The following FHDC1 variants were observed in gnomAD, a reference collection of about 807,000 sequenced individuals.
The protein encoded by FHDC1 is FH2 domain-containing protein 1.
FHDC1 carries 25 observed loss-of-function variants against 52.6 expected under a neutral mutation model. The observed-to-expected ratio is 0.48, with a 90% CI of 0.35 to 0.66. FHDC1 has a LOEUF of 0.66. FHDC1 is among the 30% of genes least tolerant of loss of function. The pLI is 0.01. For missense variants in FHDC1, 1,459 were observed against 1,452.8 expected, an observed-to-expected ratio of 1.00 and a Z score of -0.07; for synonymous variants, 616 against 581.5, an observed-to-expected ratio of 1.06 and a Z score of -0.85.
intron 10 of FHDC1, among the ~76,000 whole-genome samples, chr4:152,970,421 A>G (rs1290611655): frequency 6.6e-6 from 1 of 152,204 alleles, no homozygotes; most frequent in Non-Finnish European, 1.5e-5. Flanking sequence ...TCAGATCCAC[A>G]TTCAGAATGT....
At chr4:152,927,614 A>G in the FHDC1 span, 12 of 1,606,750 alleles carry the variant, frequency 7.5e-6, no homozygotes, top group African/African-American at 9.3e-5. Flanking sequence ...TCTATATGAA[A>G]GGCTACAGGA....
rs184044716 is a variant in FHDC1 at position 152,956,930 on chromosome 4, C to T, written c.663+2611C>T. On this transcript the variant is annotated intron_variant, in intron 4 of 11. Transcript: ENST00000511601. Reference sequence around the variant, plus strand: ...GCAGGAGCCCCTTCCTAAACCCTCCCGGGTATCTGTGCTGTGGGAGGGGGT... The same window carrying T: ...GCAGGAGCCCCTTCCTAAACCCTCCTGGGTATCTGTGCTGTGGGAGGGGGT... Among the ~76,000 whole-genome samples the T allele has an allele frequency of 8.7e-4, 132 of 152,226 alleles. 1 individual carries two copies. The highest frequency in any genetic ancestry group is 1.6e-3 in the Non-Finnish European group (109 of 68,022).
chr4:152,952,757 G>A (rs1302841430), intron 2 of FHDC1, among the ~76,000 whole-genome samples: 2 of 152,160 alleles, frequency 1.3e-5, no homozygotes, highest in African/African-American at 4.8e-5. Context: ...GATACTAAAG[G>A]ATGACTGACT....
intron 2 of FHDC1, among the ~76,000 whole-genome samples, chr4:152,951,749 C>T (rs773245849): frequency 6.6e-6 from 1 of 152,036 alleles, no homozygotes; most frequent in Non-Finnish European, 1.5e-5. Flanking sequence ...GCTAGTCTCC[C>T]GTTACCAAAA....
Position 152,942,957 on chromosome 4 carries a change from TG to T in FHDC1, c.-99del. The stretch of plus-strand genomic sequence containing the variant: ...GGAAGAGGACAGTTGCCCTTTATTC[TG>T]GCGGCAGATAGCAGCAGGTGAAAAA... On this transcript the variant is annotated 5_prime_UTR_variant, in exon 2 of 12. Transcript: ENST00000511601. 7.6e-7 allele frequency: 1 copy of T among 1,314,486 alleles called. No individual in the cohort carries two copies. Among genetic ancestry groups the T allele is most frequent in the Non-Finnish European group, 1.1e-6 (1 of 950,240 alleles). 81.4% of individuals were successfully genotyped at this position (1,314,486 alleles called of 1,614,324 possible). A position where few individuals can be genotyped will look rare whatever the true frequency, so the allele number is the denominator to read the frequency against.
intron 2 of FHDC1, among the ~76,000 whole-genome samples, chr4:152,950,142 T>C (rs1000667604): frequency 5.9e-5 from 9 of 152,184 alleles, no homozygotes; most frequent in Admixed American, 4.6e-4. Context: ...TGGGATCCCA[T>C]GTGCAGATTC....
the FHDC1 span, among the ~76,000 whole-genome samples, chr4:152,913,274 C>G: frequency 6.6e-6 from 1 of 152,214 alleles, no homozygotes; most frequent in Non-Finnish European, 1.5e-5. Context: ...GCAAAGTATG[C>G]AAGATGCTTG....
At chr4:152,940,311 C>T (rs1310190544) in intron 1 of FHDC1, among the ~76,000 whole-genome samples, 1 of 152,238 alleles carries the variant, frequency 6.6e-6, no homozygotes, top group Non-Finnish European at 1.5e-5. Flanking sequence ...AGAAATTAAT[C>T]AGACAGCATA....
At chr4:152,921,379 G>A in the FHDC1 span, among the ~76,000 whole-genome samples, 1 of 151,614 alleles carries the variant, frequency 6.6e-6, no homozygotes, top group South Asian at 2.1e-4. Flanking sequence ...TTATTTACAA[G>A]GATTTATTCA....
Position 152,943,237 on chromosome 4 carries a change from A to ACCC in FHDC1, c.183_185dup (p.Pro65dup). ...AAGAGTGTCCTTCCTCCCCTCCTCC[A>ACCC]CCCCCACCACCTCCACTTCCTGGGG... On this transcript the variant is annotated inframe_insertion, in exon 2 of 12. Coordinates refer to ENST00000511601, the MANE Select transcript of FHDC1 (RefSeq NM_001371116.1). 6 of 970,896 alleles carry ACCC rather than the reference A, an allele frequency of 6.2e-6. No individual in the cohort carries two copies. The highest frequency in any genetic ancestry group is 1.6e-5 in the South Asian group (1 of 61,346). 60.1% of individuals were successfully genotyped at this position (970,896 alleles called of 1,614,324 possible).
chr4:152,920,508 T>C, the FHDC1 span, among the ~76,000 whole-genome samples: 2 of 152,268 alleles, frequency 1.3e-5, no homozygotes. Flanking sequence ...TCCTGAGTCA[T>C]AGTGAAAATT....
chr4:152,946,700 C>T (rs1739743810), intron 2 of FHDC1, among the ~76,000 whole-genome samples: 4 of 152,230 alleles, frequency 2.6e-5, no homozygotes, highest in Admixed American at 2.0e-4. Context: ...TATTACAACA[C>T]AGGCTGCAGT....
upstream of FHDC1, among the ~76,000 whole-genome samples, chr4:152,935,338 A>G (rs1281308580): frequency 6.6e-6 from 1 of 152,148 alleles, no homozygotes; most frequent in East Asian, 1.9e-4. Context: ...AAAGGTAGCG[A>G]TGACTTCATC....
chr4:152,976,080 A>T lies in FHDC1; in HGVS notation c.2789A>T (p.Asn930Ile). The change falls in exon 12 of 12, where the codon AAT becomes ATT. Residue 930 changes from asparagine to isoleucine, a missense_variant. By Grantham distance (149) the Asn-to-Ile change is moderately radical. This residue lies in a region of FHDC1 where 939 missense variants were observed against 854.5 expected (regional missense o/e 1.10). Coordinates refer to ENST00000511601, the MANE Select transcript of FHDC1 (RefSeq NM_001371116.1). ...PELSSRGPSQ[N>I]PPSSTDTVWS... is the part of the protein sequence containing the mutation. ...CTGTCATCCCGGGGGCCCTCCCAGA[A>T]TCCCCCCAGCAGCACAGATACTGTG... 1 of 1,603,938 alleles carries T rather than the reference A, an allele frequency of 6.2e-7. No homozygotes were observed. The highest frequency in any genetic ancestry group is 8.5e-7 in the Non-Finnish European group (1 of 1,175,768).
upstream of FHDC1, among the ~76,000 whole-genome samples, chr4:152,931,688 C>G (rs1486411095): frequency 6.6e-6 from 1 of 152,008 alleles, no homozygotes; most frequent in Non-Finnish European, 1.5e-5. Context: ...TTACTTCTGG[C>G]AAGGCAAATG....
chr4:152,920,021 C>T, the FHDC1 span, among the ~76,000 whole-genome samples: 6 of 142,302 alleles, frequency 4.2e-5, no homozygotes, highest in Admixed American at 4.5e-4. Context: ...AATCTTGGCT[C>T]ACTGCAGCCT....
rs146898600 is a variant in FHDC1 at position 152,974,744 on chromosome 4, C to T, written c.1453C>T (p.Arg485Cys). The change falls in exon 12 of 12, where the codon CGC (arginine) becomes TGC (cysteine). Residue 485 changes from arginine to cysteine, a missense_variant. Coordinates refer to ENST00000511601, the MANE Select transcript of FHDC1 (RefSeq NM_001371116.1). ...GCTGAAGGAGCAGGAGCAGAAGCAG[C>T]GCTCCTGGGCAACTGGGGAGCTGGG... ...QRLKEQEQKQ[R>C]SWATGELGAF... The T allele has an allele frequency of 1.4e-4, 218 of 1,520,948 alleles. No homozygotes were observed. The highest frequency in any genetic ancestry group is 9.4e-4 in the Middle Eastern group (5 of 5,324). 94.2% of individuals were successfully genotyped at this position (1,520,948 alleles called of 1,614,324 possible).
intron 2 of FHDC1, among the ~76,000 whole-genome samples, chr4:152,948,557 G>A (rs1327949508): frequency 1.3e-5 from 2 of 152,096 alleles, no homozygotes; most frequent in African/African-American, 4.8e-5. Flanking sequence ...GGTTCAAGCA[G>A]TTCTTCTGTC....
chr4:152,951,148 A>G, intron 2 of FHDC1, among the ~76,000 whole-genome samples: 1 of 152,204 alleles, frequency 6.6e-6, no homozygotes, highest in East Asian at 1.9e-4. Flanking sequence ...TGAAAGGAAT[A>G]CGAAACAAGT....
Sources: allele counts gnomAD v4.1 joint callset (sites outside exome capture counted in the v4.1 genomes callset), GRCh38; gene constraint gnomAD v4.1.1; regional missense constraint gnomAD v4.1.1; transcripts MANE v1.5; gene names NCBI Gene and HGNC (gene_info 2026-07-23, HGNC 2026-07-21).